RNF216: variants seen among roughly 807,000 people sequenced by gnomAD.
The protein encoded by RNF216 is ring finger protein 216.
RNF216 carries 72 observed loss-of-function variants against 110.8 expected under a neutral mutation model. The observed-to-expected ratio is 0.65, with a 90% confidence interval of 0.54 to 0.79. The LOEUF is 0.79. Among genes scored for constraint, RNF216 ranks in the 30% least tolerant of loss-of-function variants. The pLI is 0.00. For synonymous variants in RNF216, 495 were observed against 407.5 expected (o/e 1.21, Z -2.59); for missense variants, 1,342 against 1,141.2 (o/e 1.18, Z -2.54).
rs1281961829 is a variant in RNF216, at chr7:5,660,267, T to C, written c.2062-7757A>G. 3.4e-4 allele frequency among the ~76,000 whole-genome samples: 3 copies of C among 8,826 alleles called. 1 individual carries two copies. Among genetic ancestry groups the C allele is most frequent in the African/African-American group, 2.1e-3 (2 of 932 alleles). The allele number at this position is 8,826 out of a possible 152,430, so 5.8% of individuals were successfully genotyped here. On this transcript the variant is annotated intron_variant, in intron 13 of 16. Transcript: ENST00000389902. ...AGAGCCCGGCCCTGTTTTAAATTCT[T>C]TTTTTTTTTTTTTTTTTTTTTTTTT...
At chr7:5,651,423 G>C (rs554544438) in intron 14 of RNF216, among the ~76,000 whole-genome samples, 3 of 151,862 alleles carry the variant, frequency 2.0e-5, no homozygotes, top group Non-Finnish European at 4.4e-5. Flanking sequence ...GTAGAGATGA[G>C]GTTTTACCAT....
intron 1 of RNF216, among the ~76,000 whole-genome samples, chr7:5,778,250 C>G (rs943911714): frequency 1.3e-5 from 2 of 152,204 alleles, no homozygotes; most frequent in Non-Finnish European, 2.9e-5. Flanking sequence ...AGTTCCATGA[C>G]TTGCTCCTTC....
chr7:5,743,254 C>G (rs1181088063), intron 3 of RNF216, among the ~76,000 whole-genome samples: 1 of 151,962 alleles, frequency 6.6e-6, no homozygotes, highest in Admixed American at 6.6e-5. Context: ...GAGCAAGACT[C>G]TGTCTCAAAT....
At chr7:5,671,916 G>C (rs1789945194) in intron 13 of RNF216, among the ~76,000 whole-genome samples, 1 of 151,976 alleles carries the variant, frequency 6.6e-6, no homozygotes, top group South Asian at 2.1e-4. Flanking sequence ...CAAGGAGAGG[G>C]GCCTCACAAG....
At chr7:5,720,094 C>A (rs114197847) in intron 9 of RNF216, among the ~76,000 whole-genome samples, 379 of 152,356 alleles carry the variant, frequency 2.5e-3, no homozygotes, top group African/African-American at 8.4e-3. Context: ...CTCTACGACA[C>A]TGGCCTGATT....
intron 5 of RNF216, among the ~76,000 whole-genome samples, chr7:5,735,912 T>A (rs186651436): frequency 6.6e-6 from 1 of 152,068 alleles, no homozygotes; most frequent in South Asian, 2.1e-4. Flanking sequence ...CTGGCCAACA[T>A]AGGGAAACTG....
chr7:5,649,981 G>T (rs1224283802), intron 14 of RNF216: 1 of 152,214 alleles, frequency 6.6e-6, no homozygotes, highest in Admixed American at 6.5e-5. Context: ...CTACTTGAAC[G>T]ACATGCAGAT....
intron 1 of RNF216, among the ~76,000 whole-genome samples, chr7:5,764,445 C>G (rs891554597): frequency 6.6e-6 from 1 of 151,484 alleles, no homozygotes; most frequent in African/African-American, 2.4e-5. Flanking sequence ...GTCAGGAGTT[C>G]GAGACCAGCC....
At chr7:5,675,302 A>G (rs1365287761) in intron 13 of RNF216, among the ~76,000 whole-genome samples, 1 of 152,150 alleles carries the variant, frequency 6.6e-6, no homozygotes, top group African/African-American at 2.4e-5. Flanking sequence ...GAAGCCCCAG[A>G]GGGGACAGGC....
chr7:5,704,520 A>T (rs377655821), intron 13 of RNF216, among the ~76,000 whole-genome samples: 30 of 152,380 alleles, frequency 2.0e-4, no homozygotes, highest in African/African-American at 7.2e-4. Context: ...GTCTAAATGC[A>T]CGTAGCGATT....
chr7:5,702,591 A>G (rs577579395), intron 13 of RNF216, among the ~76,000 whole-genome samples: 1 of 152,250 alleles, frequency 6.6e-6, no homozygotes, highest in East Asian at 1.9e-4. Flanking sequence ...AAAGAATCTA[A>G]CAAACACATC....
intron 3 of RNF216, among the ~76,000 whole-genome samples, chr7:5,742,932 G>A (rs1794843341): frequency 6.6e-6 from 1 of 152,000 alleles, no homozygotes; most frequent in Non-Finnish European, 1.5e-5. Context: ...TTTACTGCTG[G>A]TGAATTTAGG....
intron 2 of RNF216, among the ~76,000 whole-genome samples, chr7:5,756,390 C>A (rs1466129983): frequency 1.3e-5 from 2 of 152,186 alleles, no homozygotes; most frequent in Non-Finnish European, 2.9e-5. Flanking sequence ...ATAGTTGCAA[C>A]AGAAACCATA....
rs966399339 is a variant in RNF216, at chr7:5,622,596, C to G, written c.*264G>C. On this transcript the variant is annotated 3_prime_UTR_variant, in exon 17 of 17. Transcript: ENST00000389902. ...GCCATGGACAAGGCAGAAGGACTGC[C>G]GTTGGTGGCCTGGGGGATGCGAGGG... is the stretch of plus-strand genomic sequence containing the variant. 1.3e-5 allele frequency: 6 copies of G among 475,158 alleles called. No homozygotes were observed. In the Admixed American group the frequency reaches 2.2e-4, roughly 17 times the overall value. The allele number at this position is 475,158 out of a possible 1,614,324, so 29.4% of individuals were successfully genotyped here.
At chr7:5,623,951 T>G (rs1373817799) in intron 16 of RNF216, 105 bp downstream of exon 16, 3 of 936,452 alleles carry the variant, frequency 3.2e-6, no homozygotes, top group Non-Finnish European at 4.9e-6. Context: ...CAGCACCCCC[T>G]CCTCTCCTGT....
At chr7:5,656,608 C>T (rs988310333) in intron 13 of RNF216, among the ~76,000 whole-genome samples, 21 of 152,046 alleles carry the variant, frequency 1.4e-4, no homozygotes, top group African/African-American at 4.6e-4. Flanking sequence ...ACAAGTAGCC[C>T]GCCAGGCCAC....
chr7:5,716,355 C>G (rs1793062884), intron 10 of RNF216, among the ~76,000 whole-genome samples: 2 of 152,010 alleles, frequency 1.3e-5, no homozygotes, highest in South Asian at 4.1e-4. Flanking sequence ...ACTAAAAATA[C>G]AAAAATTAGC....
chr7:5,729,897 A>C (rs1407353205), intron 6 of RNF216, among the ~76,000 whole-genome samples: 6 of 152,232 alleles, frequency 3.9e-5, no homozygotes, highest in African/African-American at 1.4e-4. Context: ...CTATTACAGA[A>C]TACGTAAGAG....
chr7:5,688,740 A>G (rs1287872824), intron 13 of RNF216, among the ~76,000 whole-genome samples: 2 of 151,508 alleles, frequency 1.3e-5, no homozygotes, highest in African/African-American at 2.4e-5. Flanking sequence ...TTTTTTTTGG[A>G]CTGGGATATC....
Sources: gnomAD v4.1 joint callset for allele counts (sites outside exome capture counted in the v4.1 genomes callset) on GRCh38, gnomAD v4.1.1 for gene constraint, MANE v1.5 for transcripts, NCBI Gene and HGNC (gene_info 2026-07-23, HGNC 2026-07-21) for gene names.